BCL7C: variants seen among roughly 807,000 people sequenced by gnomAD.
BCL7C encodes BAF chromatin remodeling complex subunit BCL7C.
Under a neutral mutation model 26.2 loss-of-function variants are expected in BCL7C, and 8 were observed. That is an observed-to-expected ratio of 0.30 (90% CI 0.18 to 0.55). BCL7C has a LOEUF of 0.55. Ranked by LOEUF, BCL7C falls within the 20% of genes least tolerant of loss-of-function variation. The pLI is 0.93. For synonymous variants in BCL7C, 90 were observed against 116.5 expected (o/e 0.77, Z 1.47); for missense variants, 262 against 298.5 (o/e 0.88, Z 0.90).
chr16:30,884,611 C>T (rs141226499), downstream of BCL7C, among the ~76,000 whole-genome samples: 3 of 151,658 alleles, frequency 2.0e-5, no homozygotes, highest in East Asian at 5.8e-4. Flanking sequence ...ATTCTCCTGC[C>T]TCAGTCTCCT....
At chr16:30,864,630 TTTG>T (rs1487281687) in intron 5 of BCL7C, among the ~76,000 whole-genome samples, 1 of 152,066 alleles carries the variant, frequency 6.6e-6, no homozygotes, top group Non-Finnish European at 1.5e-5. Context: ...TCACCACTAT[TTTG>T]TTTTGTTTTT....
intron 4 of BCL7C, among the ~76,000 whole-genome samples, chr16:30,892,073 C>G (rs1325070828): frequency 1.3e-5 from 2 of 151,680 alleles, no homozygotes; most frequent in African/African-American, 4.8e-5. Flanking sequence ...TTGAGACCAG[C>G]CTGGGCAACA....
intron 5 of BCL7C, among the ~76,000 whole-genome samples, chr16:30,869,349 C>CA (rs1445543257): frequency 1.3e-5 from 2 of 152,010 alleles, no homozygotes; most frequent in Non-Finnish European, 2.9e-5. Flanking sequence ...GCTGGGACTA[C>CA]AGGCGCCTGC....
chr16:30,874,733 A>G (rs1263304695), intron 5 of BCL7C, among the ~76,000 whole-genome samples: 1 of 152,146 alleles, frequency 6.6e-6, no homozygotes, highest in African/African-American at 2.4e-5. Context: ...TTGGGTTTCT[A>G]TCCTTCCCGA....
chr16:30,868,925 T>G (rs1279427715), intron 5 of BCL7C, among the ~76,000 whole-genome samples: 8 of 152,088 alleles, frequency 5.3e-5, no homozygotes, highest in Admixed American at 5.2e-4. Flanking sequence ...GCTTCCACAT[T>G]ACACTTTTAA....
Position 30,892,890 on chromosome 16 carries a change from C to T in BCL7C, c.230G>A (p.Arg77Lys). 1 of 1,612,938 alleles carries T rather than the reference C, an allele frequency of 6.2e-7. No homozygotes were observed. Among genetic ancestry groups the T allele is most frequent in the Non-Finnish European group, 8.5e-7 (1 of 1,179,984 alleles). ...ERSRGRERRG[R>K]GASPRGGGPL... ...GCCACCCCCTCGGGGACTGGCGCCCCTGCCCCGACGTTCCCGGCCACGGGA... is the reference window on the plus strand; with the variant it reads ...GCCACCCCCTCGGGGACTGGCGCCCTTGCCCCGACGTTCCCGGCCACGGGA... The change falls in exon 3 of 6, where the codon AGG becomes AAG. Residue 77 changes from arginine (R) to lysine (K), a missense_variant. Transcript: ENST00000215115.
At chr16:30,884,225 G>A (rs1316513195), downstream of BCL7C, among the ~76,000 whole-genome samples, 2 of 151,758 alleles carry the variant, frequency 1.3e-5, no homozygotes, top group Non-Finnish European at 2.9e-5. Context: ...CCAGGAGAGA[G>A]TCAAGAATGG....
intron 4 of BCL7C, among the ~76,000 whole-genome samples, chr16:30,889,655 AT>A (rs892144610): frequency 1.7e-4 from 26 of 152,068 alleles, no homozygotes; most frequent in Admixed American, 7.2e-4. Flanking sequence ...CGTCCCGCTG[AT>A]TTTTTGTATT....
downstream of BCL7C, among the ~76,000 whole-genome samples, chr16:30,887,573 G>A (rs1159143747): frequency 3.3e-5 from 5 of 151,986 alleles, no homozygotes; most frequent in South Asian, 2.1e-4. Flanking sequence ...GAGGGGTCCT[G>A]GGCCTCCCAG....
rs138380084 is a variant in BCL7C at position 30,892,571 on chromosome 16, G to A, written c.442+15C>T. The stretch of plus-strand genomic sequence containing the variant: ...GACTTAGAGGAGAGAGCTCCTGGGA[G>A]GTACCTGGTCCTACCTCTCTCTTGG... On this transcript the variant is annotated intron_variant, in intron 4 of 5. Coordinates refer to ENST00000215115, the MANE Select transcript of BCL7C (RefSeq NM_004765.4). The A allele has an allele frequency of 6.5e-7, 1 of 1,537,668 alleles. No homozygotes were observed. The highest frequency in any genetic ancestry group is 1.3e-5 in the South Asian group (1 of 77,358).
intron 4 of BCL7C, among the ~76,000 whole-genome samples, chr16:30,892,053 G>A (rs1412768215): frequency 5.3e-5 from 8 of 152,066 alleles, no homozygotes; most frequent in Admixed American, 1.3e-4. Context: ...GACTGCTTGA[G>A]CAAGTGAGTT....
At chr16:30,842,001 G>C (rs2054605501) in intron 5 of BCL7C, among the ~76,000 whole-genome samples, 1 of 22,954 alleles carries the variant, frequency 4.4e-5, no homozygotes, top group Non-Finnish European at 1.0e-4. Context: ...GTCCACCAGA[G>C]ACAAGGTGCC....
At chr16:30,888,069 C>T in intron 5 of BCL7C, 79 bp from the exon 6 acceptor site, 2 of 1,435,984 alleles carry the variant, frequency 1.4e-6, no homozygotes, top group Non-Finnish European at 1.9e-6. Context: ...TCTCCAAAGC[C>T]TCCACTCCCC....
intron 5 of BCL7C, among the ~76,000 whole-genome samples, chr16:30,842,280 C>T (rs1241424187): frequency 6.6e-6 from 1 of 152,180 alleles, no homozygotes; most frequent in South Asian, 2.1e-4. Context: ...CCAACTCTGC[C>T]GACACCTTGG....
chr16:30,850,105 G>A (rs1429451477), intron 5 of BCL7C, among the ~76,000 whole-genome samples: 2 of 151,642 alleles, frequency 1.3e-5, no homozygotes, highest in African/African-American at 2.4e-5. Context: ...AGCTACTCAG[G>A]AGGCTGAGGC....
In BCL7C at chr16:30,893,530, C is replaced by A. The variant is rs1357198167; in HGVS notation, c.93-240G>T. Among the ~76,000 whole-genome samples, 2 of 152,076 alleles carry A rather than the reference C, an allele frequency of 1.3e-5. No individual in the cohort carries two copies. The highest frequency in any genetic ancestry group is 2.9e-5 in the Non-Finnish European group (2 of 67,982). On this transcript the variant is annotated intron_variant, in intron 1 of 5. Transcript: ENST00000215115. The surrounding 1 kb of genome is among the most constrained non-coding windows in gnomAD (Gnocchi z 5.2). The stretch of plus-strand genomic sequence containing the variant: ...CCTGGCTCTGCGGACCCCTGGGGCA[C>A]ACATGGGGGGCGTGGCTATGGGCCT...
rs1431066444 is a variant in BCL7C, at chr16:30,834,828, C to G, written c.*120G>C. 9.5e-7 allele frequency: 1 copy of G among 1,057,816 alleles called. No individual in the cohort carries two copies. The highest frequency in any genetic ancestry group is 1.6e-5 in the African/African-American group (1 of 61,926). The allele number at this position is 1,057,816 out of a possible 1,614,324, so 65.5% of individuals were successfully genotyped here. On this transcript the variant is annotated 3_prime_UTR_variant, in exon 6 of 6. Transcript: ENST00000380317. The surrounding 1 kb of genome is among the most constrained non-coding windows in gnomAD (Gnocchi z 4.3). ...GGGCAGGTGTGGGGCCGCTCGCCCT[C>G]CGATGTTACCGCGGTGGGTGAGCTG...
In BCL7C at chr16:30,893,780, C is replaced by T; in HGVS notation, c.92+73G>A. 7.2e-7 allele frequency: 1 copy of T among 1,387,452 alleles called. No homozygotes were observed. The allele number at this position is 1,387,452 out of a possible 1,614,324, so 85.9% of individuals were successfully genotyped here. ...CCGAACACCCGGGGCCCAGAGCTGG[C>T]GAGGGCAGCGTAGACGCCTTTGGTG... is the stretch of plus-strand genomic sequence containing the variant. On this transcript the variant is annotated intron_variant, in intron 1 of 5. Transcript: ENST00000215115. This position sits in a 1 kb window ranked among gnomAD's most constrained non-coding sequence, Gnocchi z 5.2.
rs199542268 is a variant in BCL7C, at chr16:30,849,616, A to G, written c.529-14468T>C. On this transcript the variant is annotated intron_variant, in intron 5 of 5. Transcript: ENST00000380317. ...ACAGGCTCCTGCCACCTGCCTGGCTAATTTTTATATTTTTAGTAGAGACGA... is the reference window on the plus strand; with the variant it reads ...ACAGGCTCCTGCCACCTGCCTGGCTGATTTTTATATTTTTAGTAGAGACGA... 4.3e-4 allele frequency among the ~76,000 whole-genome samples: 66 copies of G among 151,966 alleles called. 1 individual carries two copies. The East Asian group carries it at 0.011, about 26-fold the overall frequency.
Sources: allele counts gnomAD v4.1 joint callset (sites outside exome capture counted in the v4.1 genomes callset), GRCh38; gene constraint gnomAD v4.1.1; non-coding constraint Gnocchi (gnomAD v3.1); transcripts MANE v1.5; gene names NCBI Gene and HGNC (gene_info 2026-07-23, HGNC 2026-07-21).